The following PTBP1 variants were observed in gnomAD, a reference collection of about 807,000 sequenced individuals.
PTBP1 encodes the protein polypyrimidine tract binding protein 1.
PTBP1 carries 8 observed loss-of-function variants against 59.8 expected under a neutral mutation model. The ratio of observed to expected loss-of-function variants is 0.13; its 90% CI spans 0.08 to 0.24. The LOEUF is 0.24. Ranked by LOEUF, PTBP1 falls within the 10% of genes least tolerant of loss-of-function variation. PTBP1 has a pLI of 1.00. For missense variants in PTBP1, 686 were observed against 767.0 expected, an observed-to-expected ratio of 0.89 and a Z score of 1.25; for synonymous variants, 490 against 320.7, an observed-to-expected ratio of 1.53 and a Z score of -5.64.
chr19:804,564 G>T lies in PTBP1; in HGVS notation c.468G>T (p.Ser156=), dbSNP rs138794851. ...AGGCGGCCCTGCAGGCGGTGAACTC[G>T]GTCCAGTCGGGGAACCTGGCCTTGG... ...RAQAALQAVN[S]VQSGNLALAA... The change falls in exon 6 of 15, where the codon TCG becomes TCT. Residue 156 remains serine, a synonymous_variant. Transcript: ENST00000356948. 6.2e-7 allele frequency: 1 copy of T among 1,608,266 alleles called. No individual in the cohort carries two copies. Among genetic ancestry groups the T allele is most frequent in the South Asian group, 1.1e-5 (1 of 90,938 alleles).
At position 808,791 on chromosome 19, in the gene PTBP1, G is replaced by T. The variant is rs1048143284; in HGVS notation, c.1463+29G>T. 9 of 1,587,414 alleles carry T rather than the reference G, an allele frequency of 5.7e-6. No individual in the cohort carries two copies. The African/African-American group carries it at 1.2e-4, about 21-fold the overall frequency. ...AGTGCTGGGCCGGGGGGCTCATGGG[G>T]CCGGGGGCGGGCAAGGGCTCTGCTT... On this transcript the variant is annotated intron_variant, in intron 13 of 14. Transcript: ENST00000356948. The surrounding 1 kb of genome is among the most constrained non-coding windows in gnomAD (Gnocchi z 4.7).
rs200590392 is a variant in PTBP1, at chr19:808,613, G to A, written c.1314G>A (p.Gln438=). 7 of 1,610,040 alleles carry A rather than the reference G, an allele frequency of 4.3e-6. No homozygotes were observed. In the Admixed American group the frequency reaches 1.0e-4, roughly 23 times the overall value. The change falls in exon 13 of 15, where the codon CAG becomes CAA. Residue 438 remains glutamine (Q), a synonymous_variant. Coordinates refer to ENST00000356948, the MANE Select transcript of PTBP1 (RefSeq NM_002819.5). The surrounding 1 kb of genome is among the most constrained non-coding windows in gnomAD (Gnocchi z 4.7). ...TCCGCATCACGCTCTCGAAGCACCAGAACGTGCAGCTGCCCCGCGAGGGCC... is the reference window on the plus strand; with the variant it reads ...TCCGCATCACGCTCTCGAAGCACCAAAACGTGCAGCTGCCCCGCGAGGGCC... ...KPIRITLSKH[Q]NVQLPREGQE...
rs866729000 is a variant in PTBP1, at chr19:811,140, C to G, written c.*314C>G. 2.4e-5 allele frequency: 6 copies of G among 253,536 alleles called. No individual in the cohort carries two copies. In the East Asian group the frequency reaches 4.6e-4, roughly 19 times the overall value. The allele number at this position is 253,536 out of a possible 1,614,324, so 15.7% of individuals were successfully genotyped here. ...GGCCTGCAGGTGGGCGCCCCGACCA[C>G]GACTTGGCTTCCTTGTGCCTTAAAA... On this transcript the variant is annotated 3_prime_UTR_variant, in exon 15 of 15. Transcript: ENST00000356948.
In PTBP1 at chr19:808,194, C is replaced by A. The variant is rs1238721032; in HGVS notation, c.1154-166C>A. 1.5e-6 allele frequency: 1 copy of A among 667,658 alleles called. No homozygotes were observed. 41.4% of individuals were successfully genotyped at this position (667,658 alleles called of 1,614,324 possible). A position where few individuals can be genotyped will look rare whatever the true frequency, so the allele number is the denominator to read the frequency against. ...TATGACTTTGCTGAACGGAGCTGCT[C>A]CTGTTAGCGCGCCCTGTGGCTGCGA... On this transcript the variant is annotated intron_variant, in intron 11 of 14. Coordinates refer to ENST00000356948, the MANE Select transcript of PTBP1 (RefSeq NM_002819.5). This position sits in a 1 kb window ranked among gnomAD's most constrained non-coding sequence, Gnocchi z 4.7.
intron 8 of PTBP1, 83 bp downstream of exon 8, chr19:805,270 G>C (rs912274213): frequency 3.1e-5 from 47 of 1,494,632 alleles, no homozygotes; most frequent in Admixed American, 3.1e-4. Flanking sequence ...GCACGGGCCC[G>C]GCCCTGCACC....
intron 11 of PTBP1, 23 bp downstream of exon 11, chr19:807,925 A>G: frequency 6.2e-7 from 1 of 1,601,666 alleles, no homozygotes; most frequent in East Asian, 2.2e-5. Context: ...TCACACTTTT[A>G]TTACCTTGTT....
At position 810,429 on chromosome 19, in the gene PTBP1, G is replaced by A. The variant is rs546268270; in HGVS notation, c.1464-114G>A. On this transcript the variant is annotated intron_variant, in intron 13 of 14. Transcript: ENST00000356948. ...ATACCCCATTTCTGGGCTCCTAAAA[G>A]GCCCTACGCCTTCCCCGGCTACTCT... The A allele has an allele frequency of 5.5e-5, 43 of 788,544 alleles. No individual in the cohort carries two copies. In the African/African-American group the frequency reaches 6.9e-4, roughly 13 times the overall value. The allele number at this position is 788,544 out of a possible 1,614,324, so 48.8% of individuals were successfully genotyped here.
Position 808,203 on chromosome 19 carries a change from G to A in PTBP1, c.1154-157G>A, listed in dbSNP as rs981245310. ...GCTGAACGGAGCTGCTCCTGTTAGC[G>A]CGCCCTGTGGCTGCGAGACGCAGCT... On this transcript the variant is annotated intron_variant, in intron 11 of 14. Coordinates refer to ENST00000356948, the MANE Select transcript of PTBP1 (RefSeq NM_002819.5). This position sits in a 1 kb window ranked among gnomAD's most constrained non-coding sequence, Gnocchi z 4.7. 10 of 676,646 alleles carry A rather than the reference G, an allele frequency of 1.5e-5. No individual in the cohort carries two copies. Among genetic ancestry groups the A allele is most frequent in the Non-Finnish European group, 2.6e-5 (10 of 383,502 alleles). 41.9% of individuals were successfully genotyped at this position (676,646 alleles called of 1,614,324 possible).
rs376633298 is a variant in PTBP1 at position 800,751 on chromosome 19, C to T, written c.39+1308C>T. On this transcript the variant is annotated intron_variant, in intron 2 of 14. Coordinates refer to ENST00000356948, the MANE Select transcript of PTBP1 (RefSeq NM_002819.5). ...TTTCATCTGAAGCATTTGCAACAATCCCTAGATGTGTCTGGCTTGCAGGCA... is the reference window on the plus strand; with the variant it reads ...TTTCATCTGAAGCATTTGCAACAATTCCTAGATGTGTCTGGCTTGCAGGCA... Among the ~76,000 whole-genome samples the T allele has an allele frequency of 4.6e-4, 70 of 152,332 alleles. 2 individuals carry two copies. In the South Asian group the frequency reaches 0.013, roughly 27 times the overall value.
rs1275129170 is a variant in PTBP1, at chr19:808,330, G to A, written c.1154-30G>A. On this transcript the variant is annotated intron_variant, in intron 11 of 14. Coordinates refer to ENST00000356948, the MANE Select transcript of PTBP1 (RefSeq NM_002819.5). This position sits in a 1 kb window ranked among gnomAD's most constrained non-coding sequence, Gnocchi z 4.7. ...GAGATGGGCGGGGCAGGCAGCAGGA[G>A]ACTCAGGCCCCATCCCTGGGCTTTT... The A allele has an allele frequency of 6.5e-7, 1 of 1,546,768 alleles. No individual in the cohort carries two copies. Among genetic ancestry groups the A allele is most frequent in the African/African-American group, 1.4e-5 (1 of 73,426 alleles).
chr19:804,181 C>T lies in PTBP1; in HGVS notation c.261C>T (p.Asn87=), dbSNP rs905324651. 12 of 1,608,826 alleles carry T rather than the reference C, an allele frequency of 7.5e-6. No individual in the cohort carries two copies. The highest frequency in any genetic ancestry group is 1.3e-5 in the African/African-American group (1 of 74,728). ...SLGLPFGKVT[N]LLMLKGKNQA... ...GGCTGCCCTTTGGGAAGGTCACCAACCTCCTGATGCTGAAGGGGAAAAACC... is the reference window on the plus strand; with the variant it reads ...GGCTGCCCTTTGGGAAGGTCACCAATCTCCTGATGCTGAAGGGGAAAAACC... Residue 87 remains asparagine (N), a synonymous_variant, in exon 4 of 15, where the codon AAC becomes AAT. Coordinates refer to ENST00000356948, the MANE Select transcript of PTBP1 (RefSeq NM_002819.5).
rs1599234528 is a variant in PTBP1 at position 806,266 on chromosome 19, A to AGGCACCCAGGGTAG, written c.971-138_971-125dup. Reference sequence around the variant, plus strand: ...CTGTGCGGGGGTCGGACGACCCCACAGGCACCCAGGGTAGGGCCAGAGCCA... The same window carrying AGGCACCCAGGGTAG: ...CTGTGCGGGGGTCGGACGACCCCACAGGCACCCAGGGTAGGGCACCCAGGGTAGGGCCAGAGCCA... On this transcript the variant is annotated intron_variant, in intron 9 of 14. Transcript: ENST00000356948. The AGGCACCCAGGGTAG allele has an allele frequency of 7.3e-6, 7 of 957,212 alleles. No individual in the cohort carries two copies. The East Asian group carries it at 2.3e-4, about 32-fold the overall frequency. 59.3% of individuals were successfully genotyped at this position (957,212 alleles called of 1,614,324 possible). A position where few individuals can be genotyped will look rare whatever the true frequency, so the allele number is the denominator to read the frequency against.
At chr19:802,237 G>A (rs1466842318) in intron 2 of PTBP1, among the ~76,000 whole-genome samples, 3 of 152,228 alleles carry the variant, frequency 2.0e-5, no homozygotes, top group African/African-American at 7.2e-5. Flanking sequence ...GTCGGGAGGA[G>A]GCAGCTGTGG....
chr19:800,342 C>A (rs2034278158), intron 2 of PTBP1, among the ~76,000 whole-genome samples: 1 of 152,144 alleles, frequency 6.6e-6, no homozygotes. Context: ...GTGTGCGAAT[C>A]TTGCAGCCCC....
Position 806,417 on chromosome 19 carries a change from T to G in PTBP1, c.980T>G (p.Val327Gly). The G allele has an allele frequency of 1.9e-6, 3 of 1,602,792 alleles. No individual in the cohort carries two copies. Among genetic ancestry groups the G allele is most frequent in the Non-Finnish European group, 2.6e-6 (3 of 1,175,072 alleles). ...FAIPQAAGLS[V>G]PNVHGALAPL... ...CCTCCTGCTTTTCCAGGCCTTTCCG[T>G]TCCGAACGTCCACGGCGCCCTGGCC... Residue 327 changes from valine to glycine, a missense_variant, in exon 10 of 15, where the codon GTT becomes GGT. Physicochemically the swap from Val to Gly is moderately radical, Grantham distance 109. Coordinates refer to ENST00000356948, the MANE Select transcript of PTBP1 (RefSeq NM_002819.5).
At position 810,781 on chromosome 19, in the gene PTBP1, G is replaced by A; in HGVS notation, c.1629G>A (p.Gly543=). The A allele has an allele frequency of 6.2e-7, 1 of 1,601,708 alleles. No homozygotes were observed. Among genetic ancestry groups the A allele is most frequent in the Non-Finnish European group, 8.5e-7 (1 of 1,175,980 alleles). The part of the protein sequence containing the change: ...ALIDLHNHDL[G]ENHHLRVSFS... ...TTGACCTGCACAACCACGACCTCGG[G>A]GAGAACCACCACCTGCGGGTCTCCT... Residue 543 remains glycine, a synonymous_variant, in exon 15 of 15, where the codon GGG becomes GGA. Coordinates refer to ENST00000356948, the MANE Select transcript of PTBP1 (RefSeq NM_002819.5).
At chr19:805,838 C>A (rs888380037) in intron 9 of PTBP1, 3 of 486,398 alleles carry the variant, frequency 6.2e-6, no homozygotes, top group African/African-American at 3.9e-5. Flanking sequence ...CAAGCACCTC[C>A]GGGCGAGCGC....
At chr19:798,833 C>T (rs567196348) in intron 1 of PTBP1, among the ~76,000 whole-genome samples, 2 of 152,236 alleles carry the variant, frequency 1.3e-5, no homozygotes, top group African/African-American at 2.4e-5. Context: ...AGAGTCGGGT[C>T]GGGCGGGGCT....
chr19:797,720 T>C (rs1190315359), intron 1 of PTBP1, among the ~76,000 whole-genome samples: 2 of 143,518 alleles, frequency 1.4e-5, no homozygotes, highest in East Asian at 2.2e-4. Flanking sequence ...TCCGGCCCGC[T>C]TCCGGCCCCC....
Sources: gnomAD v4.1 joint callset for allele counts (sites outside exome capture counted in the v4.1 genomes callset) on GRCh38, gnomAD v4.1.1 for gene constraint, Gnocchi (gnomAD v3.1) non-coding constraint, MANE v1.5 for transcripts, NCBI Gene and HGNC (gene_info 2026-07-23, HGNC 2026-07-21) for gene names.